The following SLCO5A1 variants were observed in gnomAD, a reference collection of about 807,000 sequenced individuals.
SLCO5A1 encodes the protein solute carrier organic anion transporter family member 5A1, also known as organic anion transporter polypeptide-related protein 4.
Under a neutral mutation model 65.1 loss-of-function variants are expected in SLCO5A1, and 39 were observed. The ratio of observed to expected loss-of-function variants is 0.60; its 90% CI spans 0.46 to 0.78. The LOEUF is 0.78. Among genes scored for constraint, SLCO5A1 ranks in the 30% least tolerant of loss-of-function variants. The pLI, the probability that SLCO5A1 is intolerant of heterozygous loss-of-function variation, is 0.00. For synonymous variants in SLCO5A1, 438 were observed against 415.7 expected (o/e 1.05, Z -0.65); for missense variants, 1,029 against 1,069.4 (o/e 0.96, Z 0.53).
At chr8:69,774,082 T>C (rs1419282627) in intron 2 of SLCO5A1, among the ~76,000 whole-genome samples, 1 of 152,256 alleles carries the variant, frequency 6.6e-6, no homozygotes, top group African/African-American at 2.4e-5. Context: ...TTCTCACTGA[T>C]GCATTATCAG....
intron 5 of SLCO5A1, among the ~76,000 whole-genome samples, chr8:69,708,032 C>T (rs2933051): frequency 0.6 from 91,333 of 151,910 alleles, 27,667 homozygotes; most frequent in South Asian, 0.72. Flanking sequence ...TCCAACAAGA[C>T]GGTGCAGAGT....
intron 2 of SLCO5A1, among the ~76,000 whole-genome samples, chr8:69,789,593 C>G (rs555722789): frequency 1.3e-5 from 2 of 152,182 alleles, no homozygotes; most frequent in East Asian, 3.9e-4. Flanking sequence ...GTATGATGAA[C>G]AAGTTTAGAC....
chr8:69,686,058 CA>C (rs1813983851), intron 6 of SLCO5A1, among the ~76,000 whole-genome samples: 2 of 142,820 alleles, frequency 1.4e-5, no homozygotes, highest in South Asian at 4.1e-4. Context: ...CCCATCTAAA[CA>C]TACTTCTACT....
chr8:69,756,876 C>T (rs2130860091), intron 3 of SLCO5A1, among the ~76,000 whole-genome samples: 1 of 152,358 alleles, frequency 6.6e-6, no homozygotes, highest in Admixed American at 6.5e-5. Flanking sequence ...GTCCCTGGCA[C>T]TCCCTAACAG....
intron 4 of SLCO5A1, among the ~76,000 whole-genome samples, chr8:69,755,100 G>A (rs894061205): frequency 6.6e-6 from 1 of 152,184 alleles, no homozygotes; most frequent in African/African-American, 2.4e-5. Flanking sequence ...TTCTCAAACT[G>A]TGTGTGAGGA....
chr8:69,815,864 G>C (rs1435516277), intron 2 of SLCO5A1, among the ~76,000 whole-genome samples: 1 of 152,082 alleles, frequency 6.6e-6, no homozygotes, highest in East Asian at 1.9e-4. Flanking sequence ...GCACACCATA[G>C]TAACTTCTCT....
At chr8:69,831,644 T>C in intron 2 of SLCO5A1, 123 bp downstream of exon 2, 1 of 1,101,928 alleles carries the variant, frequency 9.1e-7, no homozygotes, top group South Asian at 1.7e-5. Flanking sequence ...AAACGTAAAA[T>C]AAAGTGAACT....
At chr8:69,827,845 G>A (rs909818221) in intron 2 of SLCO5A1, among the ~76,000 whole-genome samples, 1 of 152,090 alleles carries the variant, frequency 6.6e-6, no homozygotes, top group Non-Finnish European at 1.5e-5. Flanking sequence ...TACTTTAAAC[G>A]GTTTAGAGAA....
At chr8:69,704,229 C>T (rs755194708) in intron 6 of SLCO5A1, among the ~76,000 whole-genome samples, 1 of 152,186 alleles carries the variant, frequency 6.6e-6, no homozygotes, top group African/African-American at 2.4e-5. Flanking sequence ...GCCATTTAAA[C>T]ATTTGTCAGC....
At chr8:69,772,083 C>T (rs1405261344) in intron 2 of SLCO5A1, among the ~76,000 whole-genome samples, 3 of 152,216 alleles carry the variant, frequency 2.0e-5, no homozygotes, top group Non-Finnish European at 4.4e-5. Flanking sequence ...TTCAGAGATG[C>T]TCCTCCTTCT....
intron 4 of SLCO5A1, among the ~76,000 whole-genome samples, chr8:69,752,097 G>A (rs1333623908): frequency 6.6e-6 from 1 of 152,100 alleles, no homozygotes; most frequent in Non-Finnish European, 1.5e-5. Context: ...TAGGTGTGGT[G>A]GCACAGGCCT....
chr8:69,760,460 T>C (rs887871451), intron 3 of SLCO5A1, among the ~76,000 whole-genome samples: 1 of 152,092 alleles, frequency 6.6e-6, no homozygotes, highest in Non-Finnish European at 1.5e-5. Flanking sequence ...CCTACCAACC[T>C]CGGAGTTATG....
chr8:69,804,108 G>A (rs1819879709), intron 2 of SLCO5A1, among the ~76,000 whole-genome samples: 1 of 152,110 alleles, frequency 6.6e-6, no homozygotes, highest in South Asian at 2.1e-4. Flanking sequence ...TTCCTTGTGG[G>A]AGCAAGCGAG....
chr8:69,735,497 G>A (rs1423049691), intron 5 of SLCO5A1, among the ~76,000 whole-genome samples: 1 of 152,148 alleles, frequency 6.6e-6, no homozygotes, highest in African/African-American at 2.4e-5. Flanking sequence ...CCATAAAACG[G>A]AACAAAATCA....
chr8:69,790,381 GTAA>G (rs957111365), intron 2 of SLCO5A1, among the ~76,000 whole-genome samples: 69 of 151,842 alleles, frequency 4.5e-4, no homozygotes, highest in African/African-American at 1.6e-3. Flanking sequence ...ATTAAAAAAT[GTAA>G]TAATAATAAT....
rs768473735 is a variant in SLCO5A1 at position 69,828,275 on chromosome 8, TTAA to T, written c.907+3489_907+3491del. 9.8e-3 allele frequency among the ~76,000 whole-genome samples: 907 copies of T among 92,848 alleles called. 5 individuals are homozygous for T. Among genetic ancestry groups the T allele is most frequent in the Middle Eastern group, 0.024 (4 of 170 alleles). 60.9% of individuals were successfully genotyped at this position (92,848 alleles called of 152,430 possible). A position where few individuals can be genotyped will look rare whatever the true frequency, so the allele number is the denominator to read the frequency against. On this transcript the variant is annotated intron_variant, in intron 2 of 9. Transcript: ENST00000260126. ...AACGCATTCATCATTTTTTTTTTTT[TTAA>T]AAAAAAAGCAATTTAATCAGTATCT...
At chr8:69,812,970 C>A (rs570745863) in intron 2 of SLCO5A1, among the ~76,000 whole-genome samples, 1 of 152,270 alleles carries the variant, frequency 6.6e-6, no homozygotes, top group East Asian at 1.9e-4. Context: ...AAGTTCAAAT[C>A]AGGACACATT....
chr8:69,744,962 A>G (rs1346198364), intron 4 of SLCO5A1, among the ~76,000 whole-genome samples: 3 of 152,238 alleles, frequency 2.0e-5, no homozygotes, highest in Non-Finnish European at 2.9e-5. Flanking sequence ...TAAAATGTCC[A>G]TTAAAGAAGA....
At chr8:69,743,046 C>T (rs991338563) in intron 4 of SLCO5A1, among the ~76,000 whole-genome samples, 3 of 151,894 alleles carry the variant, frequency 2.0e-5, no homozygotes, top group East Asian at 1.9e-4. Context: ...GTGATCTGCC[C>T]GCCTCGGCCT....
Sources: gnomAD v4.1 joint callset for allele counts (sites outside exome capture counted in the v4.1 genomes callset) on GRCh38, gnomAD v4.1.1 for gene constraint, MANE v1.5 for transcripts, NCBI Gene and HGNC (gene_info 2026-07-23, HGNC 2026-07-21) for gene names.